DOCK3: variants seen among roughly 807,000 people sequenced by gnomAD.
The protein encoded by DOCK3 is dedicator of cytokinesis 3, also known as dedicator of cytokinesis protein 3.
DOCK3 carries 60 observed loss-of-function variants against 265.6 expected under a neutral mutation model. The ratio of observed to expected loss-of-function variants is 0.23; its 90% CI spans 0.18 to 0.28. The LOEUF is 0.28. Among genes scored for constraint, DOCK3 ranks in the 10% least tolerant of loss-of-function variants. The pLI, the probability that DOCK3 is intolerant of heterozygous loss-of-function variation, is 1.00. For synonymous variants in DOCK3, 881 were observed against 938.0 expected, an observed-to-expected ratio of 0.94 and a Z score of 1.11; for missense variants, 1,981 against 2,594.3, an observed-to-expected ratio of 0.76 and a Z score of 5.14.
At chr3:51,006,244 C>A (rs928095776) in intron 5 of DOCK3, among the ~76,000 whole-genome samples, 1 of 84,190 alleles carries the variant, frequency 1.2e-5, no homozygotes, top group Non-Finnish European at 2.2e-5. Flanking sequence ...TCTTATTTCC[C>A]AATCCTGCTT....
intron 14 of DOCK3, among the ~76,000 whole-genome samples, chr3:51,220,713 A>C (rs9843689): frequency 1.6e-5 from 1 of 63,484 alleles, no homozygotes; most frequent in African/African-American, 4.4e-5. Context: ...GTGTGTGTAT[A>C]TATATATATA....
intron 1 of DOCK3, among the ~76,000 whole-genome samples, chr3:50,710,295 A>G (rs1451366820): frequency 6.6e-6 from 1 of 151,382 alleles, no homozygotes; most frequent in African/African-American, 2.5e-5. Context: ...TCCAGAATCT[A>G]CGAGGAACTC....
rs181257952 is a variant in DOCK3, at chr3:51,064,505, C to T, written c.373C>T (p.Leu125=). 1,143 of 1,613,918 alleles carry T rather than the reference C, an allele frequency of 7.1e-4. 14 individuals are homozygous for T. In the Admixed American group the frequency reaches 0.018, roughly 25 times the overall value. The change falls in exon 6 of 53, where the codon CTG becomes TTG. Residue 125 remains leucine (L), a synonymous_variant. Transcript: ENST00000266037. ...LRHVMNELID[L]RRQLLSGHLT... ...CCATGTGATGAATGAACTTATTGACCTGCGAAGGCAGCTACTGTCTGGTCA... is the reference window on the plus strand; with the variant it reads ...CCATGTGATGAATGAACTTATTGACTTGCGAAGGCAGCTACTGTCTGGTCA...
chr3:51,330,147 G>C lies in DOCK3; in HGVS notation c.3412G>C (p.Glu1138Gln). The C allele has an allele frequency of 6.2e-7, 1 of 1,603,264 alleles. No individual in the cohort carries two copies. Among genetic ancestry groups the C allele is most frequent in the Non-Finnish European group, 8.5e-7 (1 of 1,175,134 alleles). Residue 1138 changes from glutamate (E) to glutamine (Q), a missense_variant, in exon 33 of 53, where the codon GAG becomes CAG. Physicochemically the swap from Glu to Gln is conservative, Grantham distance 29. Transcript: ENST00000266037. The stretch of plus-strand genomic sequence containing the variant: ...CTCTGCTTCCTTCTAGGTGGAGGCC[G>C]AGTTGATTGACAAGCTGGACAGCAT... ...KNGNFKQVEAELIDKLDSMVS... is the reference protein window; with the variant it reads ...KNGNFKQVEAQLIDKLDSMVS...
chr3:51,306,540 A>G (rs2082700053), intron 27 of DOCK3, among the ~76,000 whole-genome samples: 1 of 152,050 alleles, frequency 6.6e-6, no homozygotes, highest in Non-Finnish European at 1.5e-5. Flanking sequence ...GTGTGTGTTT[A>G]TACCCTTAAT....
intron 5 of DOCK3, among the ~76,000 whole-genome samples, chr3:50,947,255 G>T (rs898292276): frequency 3.3e-5 from 5 of 151,944 alleles, no homozygotes; most frequent in African/African-American, 9.7e-5. Flanking sequence ...GTAATATATA[G>T]CTTTCACACC....
At chr3:50,787,726 G>A in intron 2 of DOCK3, 5 of 1,247,318 alleles carry the variant, frequency 4.0e-6, no homozygotes, top group Non-Finnish European at 5.7e-6. Flanking sequence ...TCTTCTTTCT[G>A]TAACGCTGAC....
intron 5 of DOCK3, among the ~76,000 whole-genome samples, chr3:50,950,444 C>T (rs1325175495): frequency 6.6e-6 from 1 of 152,158 alleles, no homozygotes; most frequent in Non-Finnish European, 1.5e-5. Flanking sequence ...TGAAGTATTA[C>T]CTACCTGGAA....
intron 27 of DOCK3, among the ~76,000 whole-genome samples, chr3:51,309,022 G>T (rs1238391084): frequency 6.6e-6 from 1 of 151,768 alleles, no homozygotes; most frequent in African/African-American, 2.4e-5. Flanking sequence ...CATCTCAGAC[G>T]ATGGGTGGCC....
chr3:50,952,338 T>G (rs2076615388), intron 5 of DOCK3, among the ~76,000 whole-genome samples: 1 of 152,142 alleles, frequency 6.6e-6, no homozygotes, highest in Admixed American at 6.5e-5. Context: ...ACAGCAGTGT[T>G]TAGAGATGGC....
At chr3:50,994,495 C>T (rs750262962) in intron 5 of DOCK3, among the ~76,000 whole-genome samples, 2 of 152,118 alleles carry the variant, frequency 1.3e-5, no homozygotes, top group Non-Finnish European at 2.9e-5. Flanking sequence ...CTGTTTCTCC[C>T]TCAAGAAAGC....
chr3:50,842,886 A>G (rs2045906683), intron 3 of DOCK3, among the ~76,000 whole-genome samples: 1 of 152,222 alleles, frequency 6.6e-6, no homozygotes, highest in African/African-American at 2.4e-5. Flanking sequence ...ATAAATGAAT[A>G]GTTGTAATTT....
intron 1 of DOCK3, among the ~76,000 whole-genome samples, chr3:50,746,526 T>G (rs1277150467): frequency 1.3e-5 from 2 of 152,156 alleles, no homozygotes; most frequent in Non-Finnish European, 2.9e-5. Context: ...TCTGGAAGTT[T>G]TATAATTTTA....
At chr3:50,785,999 T>C (rs2042167524) in intron 2 of DOCK3, among the ~76,000 whole-genome samples, 1 of 152,080 alleles carries the variant, frequency 6.6e-6, no homozygotes, top group African/African-American at 2.4e-5. Context: ...TTGTTATTTG[T>C]CTGTTCAGAG....
chr3:50,898,691 T>C (rs1440845505), intron 4 of DOCK3: 1 of 152,214 alleles, frequency 6.6e-6, no homozygotes, highest in Non-Finnish European at 1.5e-5. Context: ...TTCGTTCTTT[T>C]TGGTTTCAAA....
chr3:50,992,893 C>T (rs541690144), intron 5 of DOCK3, among the ~76,000 whole-genome samples: 27 of 152,248 alleles, frequency 1.8e-4, no homozygotes, highest in African/African-American at 5.8e-4. Context: ...TAATATTAGC[C>T]TATCGATCAA....
rs782388962 is a variant in DOCK3 at position 51,381,035 on chromosome 3, C to T, written c.5584-15C>T. 1.3e-6 allele frequency: 2 copies of T among 1,569,190 alleles called. No homozygotes were observed. The highest frequency in any genetic ancestry group is 2.4e-5 in the South Asian group (2 of 84,692). On this transcript the variant is annotated splice_polypyrimidine_tract_variant and intron_variant, in intron 52 of 52. Coordinates refer to ENST00000266037, the MANE Select transcript of DOCK3 (RefSeq NM_004947.5). This position sits in a 1 kb window ranked among gnomAD's most constrained non-coding sequence, Gnocchi z 5.6. ...GGAGAGAGGGATTCTAACATGCCCACCCTTTCCTTCGCAGTCTCCTCTCCA... is the reference window on the plus strand; with the variant it reads ...GGAGAGAGGGATTCTAACATGCCCATCCTTTCCTTCGCAGTCTCCTCTCCA...
chr3:50,968,122 G>A (rs1477472492), intron 5 of DOCK3, among the ~76,000 whole-genome samples: 1 of 152,132 alleles, frequency 6.6e-6, no homozygotes, highest in African/African-American at 2.4e-5. Context: ...GATTAGTGAT[G>A]TTGAGCATGT....
At chr3:50,913,094 C>T (rs984864686) in intron 4 of DOCK3, among the ~76,000 whole-genome samples, 5 of 152,168 alleles carry the variant, frequency 3.3e-5, no homozygotes, top group South Asian at 2.1e-4. Context: ...GATTCTCACC[C>T]AAGGCCCTTG....
Sources: gnomAD v4.1 joint callset for allele counts (sites outside exome capture counted in the v4.1 genomes callset) on GRCh38, gnomAD v4.1.1 for gene constraint, Gnocchi (gnomAD v3.1) non-coding constraint, MANE v1.5 for transcripts, NCBI Gene and HGNC (gene_info 2026-07-23, HGNC 2026-07-21) for gene names.